ZBTB20: variants seen among roughly 807,000 people sequenced by gnomAD.
The protein encoded by ZBTB20 is zinc finger and BTB domain-containing protein 20.
ZBTB20 carries 9 observed loss-of-function variants against 56.9 expected under a neutral mutation model. The observed-to-expected ratio is 0.16, with a 90% CI of 0.10 to 0.28. ZBTB20 has a LOEUF of 0.28. Ranked by LOEUF, ZBTB20 falls within the 10% of genes least tolerant of loss-of-function variation. The pLI, the probability that ZBTB20 is intolerant of heterozygous loss-of-function variation, is 1.00. For synonymous variants in ZBTB20, 417 were observed against 420.7 expected (o/e 0.99, Z 0.11); for missense variants, 655 against 1,003.0 (o/e 0.65, Z 4.69).
intron 7 of ZBTB20, among the ~76,000 whole-genome samples, chr3:114,470,761 C>A (rs902534776): frequency 1.3e-5 from 2 of 152,138 alleles, no homozygotes. Context: ...AAGAAAAAAA[C>A]TCCTTCCTGA....
intron 5 of ZBTB20, among the ~76,000 whole-genome samples, chr3:114,780,696 C>T (rs189109668): frequency 2.0e-5 from 3 of 152,270 alleles, no homozygotes; most frequent in Non-Finnish European, 2.9e-5. Context: ...CCATGTTGGC[C>T]AGGATGGTCT....
At chr3:114,680,144 C>T (rs7637548) in intron 6 of ZBTB20, among the ~76,000 whole-genome samples, 5,087 of 152,036 alleles carry the variant, frequency 0.033, 277 homozygotes, top group African/African-American at 0.11. Context: ...TGGGGGTCTA[C>T]GGCTAGGGGA....
At chr3:114,837,649 G>T (rs1445200206) in intron 4 of ZBTB20, among the ~76,000 whole-genome samples, 2 of 152,150 alleles carry the variant, frequency 1.3e-5, no homozygotes, top group African/African-American at 4.8e-5. Context: ...CAATCCGGGA[G>T]AGAGTGATAG....
intron 2 of ZBTB20, among the ~76,000 whole-genome samples, chr3:115,030,928 T>C (rs1339817366): frequency 6.6e-6 from 1 of 151,380 alleles, no homozygotes; most frequent in Non-Finnish European, 1.5e-5. Flanking sequence ...TCCTACAAAG[T>C]GTTTGGCTAA....
At chr3:114,380,660 TGTCCCAGAACTTTA>T (rs1379791633) in intron 9 of ZBTB20, 103 bp downstream of exon 9, 1 of 1,382,218 alleles carries the variant, frequency 7.2e-7, no homozygotes. Context: ...AAAAAGACCC[TGTCCCAGAACTTTA>T]GACAGCTTGA....
chr3:114,783,024 A>T (rs996917809), intron 5 of ZBTB20, among the ~76,000 whole-genome samples: 3 of 152,018 alleles, frequency 2.0e-5, no homozygotes, highest in African/African-American at 4.8e-5. Flanking sequence ...TCATCCATTC[A>T]CTCTTTCAAC....
At chr3:114,902,354 G>A (rs778922346) in intron 3 of ZBTB20, among the ~76,000 whole-genome samples, 2 of 152,142 alleles carry the variant, frequency 1.3e-5, no homozygotes, top group Admixed American at 6.6e-5. Flanking sequence ...GCACTGCAAC[G>A]TGCTAACAGA....
intron 11 of ZBTB20, among the ~76,000 whole-genome samples, chr3:114,344,978 G>A (rs2080073652): frequency 1.8e-5 from 2 of 110,630 alleles, no homozygotes; most frequent in Admixed American, 1.8e-4. Flanking sequence ...TCTCTTGTGG[G>A]TAAAAAAAAA....
intron 5 of ZBTB20, among the ~76,000 whole-genome samples, chr3:114,760,852 A>G (rs1185624482): frequency 6.6e-6 from 1 of 152,148 alleles, no homozygotes; most frequent in Non-Finnish European, 1.5e-5. Context: ...TCACTGTACC[A>G]TAAGATAAAT....
rs1044722071 is a variant in ZBTB20 at position 114,328,522 on chromosome 3, T to A, written c.*10483A>T. On this transcript the variant is annotated 3_prime_UTR_variant, in exon 12 of 12. Coordinates refer to ENST00000675478, the MANE Select transcript of ZBTB20 (RefSeq NM_001348800.3). ...GTATTTAAAAAAAAAACAGAAAATA[T>A]TTTTCTCTTCATTTTTGGCCAAACG... 6.6e-6 allele frequency: 1 copy of A among 152,104 alleles called. No homozygotes were observed. Among genetic ancestry groups the A allele is most frequent in the Non-Finnish European group, 1.5e-5 (1 of 68,028 alleles). The allele number at this position is 152,104 out of a possible 1,614,324, so 9.4% of individuals were successfully genotyped here.
intron 2 of ZBTB20, among the ~76,000 whole-genome samples, chr3:115,036,252 A>G (rs1221904122): frequency 1.3e-5 from 2 of 152,168 alleles, no homozygotes; most frequent in Non-Finnish European, 2.9e-5. Flanking sequence ...ATTTTACTAC[A>G]ATAAAAAAGT....
intron 7 of ZBTB20, among the ~76,000 whole-genome samples, chr3:114,465,075 TA>T (rs11335761): frequency 0.21 from 30,029 of 144,210 alleles, 4,570 homozygotes; most frequent in African/African-American, 0.44. Context: ...TTCTTGTACT[TA>T]AAAAAAAAAA....
chr3:114,878,420 A>G (rs2076275151), intron 4 of ZBTB20, among the ~76,000 whole-genome samples: 1 of 152,132 alleles, frequency 6.6e-6, no homozygotes, highest in East Asian at 1.9e-4. Flanking sequence ...GGTTTTCAGC[A>G]TCTACTGGAG....
At chr3:114,985,744 T>G (rs1277051042) in intron 2 of ZBTB20, among the ~76,000 whole-genome samples, 3 of 152,068 alleles carry the variant, frequency 2.0e-5, no homozygotes, top group Non-Finnish European at 2.9e-5. Context: ...ATTCATACAA[T>G]GTACAAATAT....
rs1390053270 is a variant in ZBTB20 at position 114,329,720 on chromosome 3, A to AC, written c.*9284_*9285insG. 27 of 140,920 alleles carry AC rather than the reference A, an allele frequency of 1.9e-4. 1 individual carries two copies. In the South Asian group the frequency reaches 3.8e-3, roughly 20 times the overall value. 8.7% of individuals were successfully genotyped at this position (140,920 alleles called of 1,614,324 possible). On this transcript the variant is annotated 3_prime_UTR_variant, in exon 12 of 12. Coordinates refer to ENST00000675478, the MANE Select transcript of ZBTB20 (RefSeq NM_001348800.3). ...TTTTACTTTTTTTGGAAAAAAAAAA[A>AC]AAAAAAAAAAAAAAAAACAACTCCC...
intron 5 of ZBTB20, among the ~76,000 whole-genome samples, chr3:114,729,668 AT>A (rs2065579150): frequency 6.6e-6 from 1 of 152,226 alleles, no homozygotes. Context: ...GTGCAATAAT[AT>A]TAAATTTTTG....
intron 1 of ZBTB20, among the ~76,000 whole-genome samples, chr3:115,073,604 C>G (rs1377195159): frequency 6.6e-6 from 1 of 151,978 alleles, no homozygotes; most frequent in Non-Finnish European, 1.5e-5. Context: ...ACAAAATTAA[C>G]TTTTAGCTCT....
In ZBTB20 at chr3:114,322,328, T is replaced by C. The variant is rs1210159473; in HGVS notation, c.*16677A>G. On this transcript the variant is annotated 3_prime_UTR_variant, in exon 12 of 12. Coordinates refer to ENST00000675478, the MANE Select transcript of ZBTB20 (RefSeq NM_001348800.3). ...AAACCTCTGATCAAATCCAAAGTCA[T>C]AAAGATAGTTCAGTACGTCCTCTGA... The C allele has an allele frequency of 1.3e-5, 2 of 152,182 alleles. No individual in the cohort carries two copies. Among genetic ancestry groups the C allele is most frequent in the Admixed American group, 6.5e-5 (1 of 15,288 alleles). The allele number at this position is 152,182 out of a possible 1,614,324, so 9.4% of individuals were successfully genotyped here.
rs2078815412 is a variant in ZBTB20, at chr3:114,319,502, G to C, written c.*19503C>G. 6.6e-6 allele frequency: 1 copy of C among 152,148 alleles called. No homozygotes were observed. Among genetic ancestry groups the C allele is most frequent in the Non-Finnish European group, 1.5e-5 (1 of 68,030 alleles). The allele number at this position is 152,148 out of a possible 1,614,324, so 9.4% of individuals were successfully genotyped here. ...ACCAGCAAACATTAAACAAATGATA[G>C]AGTCAGTTGGCTAGGAAAAATACCG... On this transcript the variant is annotated 3_prime_UTR_variant, in exon 12 of 12. Transcript: ENST00000675478.
Sources: gnomAD v4.1 joint callset for allele counts (sites outside exome capture counted in the v4.1 genomes callset) on GRCh38, gnomAD v4.1.1 for gene constraint, MANE v1.5 for transcripts, NCBI Gene and HGNC (gene_info 2026-07-23, HGNC 2026-07-21) for gene names.